The following POLD2 variants were observed in gnomAD, a reference collection of about 807,000 sequenced individuals.
POLD2 encodes the protein DNA polymerase delta 2, accessory subunit.
A neutral mutation model predicts 48.8 loss-of-function variants in POLD2; 31 were observed. The ratio of observed to expected loss-of-function variants is 0.64; its 90% CI spans 0.48 to 0.86. POLD2 has a LOEUF of 0.86. Ranked by LOEUF, POLD2 falls within the 40% of genes least tolerant of loss-of-function variation. POLD2 has a pLI of 0.00. For missense variants in POLD2, 455 were observed against 610.1 expected, an observed-to-expected ratio of 0.75 and a Z score of 2.68; for synonymous variants, 233 against 256.3, an observed-to-expected ratio of 0.91 and a Z score of 0.87.
chr7:44,117,545 C>A, intron 4 of POLD2, 74 bp downstream of exon 4: 1 of 1,536,998 alleles, frequency 6.5e-7, no homozygotes, highest in Non-Finnish European at 8.8e-7. Flanking sequence ...AGGCTCCCCA[C>A]TCACACCATC....
At chr7:44,122,408 C>T in intron 1 of POLD2, 1 of 1,116,858 alleles carries the variant, frequency 9.0e-7, no homozygotes, top group Non-Finnish European at 1.1e-6. Context: ...CAATCAAGTT[C>T]AGTTTGCCCC....
In POLD2 at chr7:44,117,664, G is replaced by C. The variant is rs372336011; in HGVS notation, c.421C>G (p.Arg141Gly). 1 of 1,610,200 alleles carries C rather than the reference G, an allele frequency of 6.2e-7. No homozygotes were observed. The highest frequency in any genetic ancestry group is 1.3e-5 in the African/African-American group (1 of 74,868). ...TCAATGGTGCCTTTTAGTTTGATAC[G>C]CTGCAGTTCATCTTCCAAGACCAGC... Reference protein sequence around the residue: ...DELVLEDELQRIKLKGTIDVS... With the variant: ...DELVLEDELQGIKLKGTIDVS... The change falls in exon 4 of 11, where the codon CGT becomes GGT. Residue 141 changes from arginine to glycine, a missense_variant. Physicochemically the swap from Arg to Gly is moderately radical, Grantham distance 125. This residue lies in a region of POLD2 where 349 missense variants were observed against 437.4 expected (regional missense o/e 0.80). Transcript: ENST00000610533.
At chr7:44,122,440 T>A in intron 1 of POLD2, 1 of 1,065,260 alleles carries the variant, frequency 9.4e-7, no homozygotes. Context: ...CCGATCTGCC[T>A]CCATCCAGCT....
intron 2 of POLD2, among the ~76,000 whole-genome samples, chr7:44,120,039 C>A (rs549049199): frequency 6.6e-6 from 1 of 152,118 alleles, no homozygotes; most frequent in South Asian, 2.1e-4. Context: ...GTTTGGGGAA[C>A]AGGTGAGTGG....
In POLD2 at chr7:44,116,200, G is replaced by A; in HGVS notation, c.934C>T (p.His312Tyr). 1 of 1,614,018 alleles carries A rather than the reference G, an allele frequency of 6.2e-7. No individual in the cohort carries two copies. ...TNYTLPQQPL[H>Y]PCMFPLATAY... ...GTGGCCAGCGGGAACATGCAGGGGTGGAGGGGCTGCTGGGGGAGCGTGTAA... is the reference window on the plus strand; with the variant it reads ...GTGGCCAGCGGGAACATGCAGGGGTAGAGGGGCTGCTGGGGGAGCGTGTAA... Residue 312 changes from histidine (H) to tyrosine (Y), a missense_variant, in exon 8 of 11, where the codon CAC becomes TAC. This residue lies in a region of POLD2 where 349 missense variants were observed against 437.4 expected (regional missense o/e 0.80). Transcript: ENST00000610533. This position sits in a 1 kb window ranked among gnomAD's most constrained non-coding sequence, Gnocchi z 6.1.
Position 44,115,304 on chromosome 7 carries a change from T to C in POLD2, c.1240A>G (p.Ile414Val), listed in dbSNP as rs769981320. 5.6e-6 allele frequency: 9 copies of C among 1,610,336 alleles called. No homozygotes were observed. The Admixed American group carries it at 8.3e-5, about 15-fold the overall frequency. The change falls in exon 10 of 11, where the codon ATC becomes GTC. Residue 414 changes from isoleucine (I) to valine (V), a missense_variant. Physicochemically the swap from Ile to Val is conservative, Grantham distance 29. Coordinates refer to ENST00000610533, the MANE Select transcript of POLD2 (RefSeq NM_006230.4). ...AGAAGACAAAAATTACCTCGGATGA[T>C]TTTGGAGCCAAAGCTGGGGGTGTTG... is the stretch of plus-strand genomic sequence containing the variant. The part of the protein sequence containing the change: ...CGNTPSFGSK[I>V]IRGPEDQTVL...
At chr7:44,123,617 C>T (rs957086590), upstream of POLD2, 21 of 1,414,224 alleles carry the variant, frequency 1.5e-5, no homozygotes, top group Non-Finnish European at 1.4e-5. Flanking sequence ...TCTCACCAAT[C>T]GCTGCCCTCC....
chr7:44,117,861 C>T, intron 3 of POLD2, 82 bp downstream of exon 3: 1 of 1,595,764 alleles, frequency 6.3e-7, no homozygotes, highest in Non-Finnish European at 8.6e-7. Context: ...AACCTGCTTC[C>T]CCACAACCCC....
At position 44,121,982 on chromosome 7, in the gene POLD2, A is replaced by G; in HGVS notation, c.72T>C (p.Phe24=). 1 of 1,613,882 alleles carries G rather than the reference A, an allele frequency of 6.2e-7. No homozygotes were observed. The highest frequency in any genetic ancestry group is 1.3e-5 in the African/African-American group (1 of 75,062). ...LSPPSANNAT[F]ARVPVATYTN... ...TGTAGGTTGCCACTGGCACCCGGGC[A>G]AAGGTGGCATTGTTGGCTGATGGTG... Residue 24 remains phenylalanine, a synonymous_variant, in exon 2 of 11, where the codon TTT becomes TTC. Transcript: ENST00000610533. This position sits in a 1 kb window ranked among gnomAD's most constrained non-coding sequence, Gnocchi z 4.5.
intron 1 of POLD2, chr7:44,122,516 T>C (rs2096249673): frequency 1.1e-6 from 1 of 932,944 alleles, no homozygotes; most frequent in Non-Finnish European, 1.3e-6. Context: ...TGTGAAATAA[T>C]AAGCCTATTA....
At chr7:44,115,745 C>G (rs752778071) in intron 9 of POLD2, 21 bp downstream of exon 9, 1 of 1,612,246 alleles carries the variant, frequency 6.2e-7, no homozygotes, top group East Asian at 2.2e-5. Context: ...TGCTCCCACC[C>G]TGTATGGCTG....
chr7:44,116,416 C>G lies in POLD2; in HGVS notation c.861+14G>C, dbSNP rs1186525499. 1.3e-6 allele frequency: 2 copies of G among 1,574,864 alleles called. No homozygotes were observed. The highest frequency in any genetic ancestry group is 1.7e-6 in the Non-Finnish European group (2 of 1,159,562). ...TGCAATCCCCATCACCCCTCCAGCC[C>G]CCAGCTCGCTCACGCTCAGCTGCAG... On this transcript the variant is annotated intron_variant, in intron 7 of 10. Coordinates refer to ENST00000610533, the MANE Select transcript of POLD2 (RefSeq NM_006230.4). This position sits in a 1 kb window ranked among gnomAD's most constrained non-coding sequence, Gnocchi z 6.1.
intron 1 of POLD2, 134 bp downstream of exon 1, chr7:44,123,377 C>T: frequency 7.1e-7 from 1 of 1,414,324 alleles, no homozygotes; most frequent in South Asian, 1.5e-5. Context: ...CCAGTCACGG[C>T]GGGTGCCCCG....
intron 2 of POLD2, 60 bp from the exon 3 acceptor site, chr7:44,118,124 T>A: frequency 1.3e-6 from 2 of 1,593,472 alleles, no homozygotes; most frequent in Non-Finnish European, 1.7e-6. Context: ...ACAGAGGCCA[T>A]GGAGGCCCTG....
chr7:44,123,803 G>A, upstream of POLD2: 2 of 975,476 alleles, frequency 2.1e-6, no homozygotes, highest in Non-Finnish European at 1.4e-6. Context: ...TTGGGCTGAC[G>A]GGGGGTGTCG....
chr7:44,118,383 G>A (rs1227535415), intron 2 of POLD2: 1 of 226,806 alleles, frequency 4.4e-6, no homozygotes, highest in Non-Finnish European at 8.7e-6. Context: ...AGGAACACCA[G>A]GGAGGAGGCC....
chr7:44,118,195 T>A (rs561710305), intron 2 of POLD2, 131 bp from the exon 3 acceptor site: 1 of 1,039,448 alleles, frequency 9.6e-7, no homozygotes, highest in Non-Finnish European at 1.4e-6. Flanking sequence ...GAACATCAAG[T>A]ACAAGGACCC....
chr7:44,121,810 G>A lies in POLD2; in HGVS notation c.220+24C>T. ...TAAGTTCAGGGATGCTGTGGGGGAA[G>A]CACCTTCCCAAACTCTCACTTACCC... On this transcript the variant is annotated intron_variant, in intron 2 of 10. Coordinates refer to ENST00000610533, the MANE Select transcript of POLD2 (RefSeq NM_006230.4). This position sits in a 1 kb window ranked among gnomAD's most constrained non-coding sequence, Gnocchi z 4.5. 1.2e-6 allele frequency: 2 copies of A among 1,601,204 alleles called. No individual in the cohort carries two copies. Among genetic ancestry groups the A allele is most frequent in the African/African-American group, 1.3e-5 (1 of 74,816 alleles).
chr7:44,117,868 C>A (rs746357903), intron 3 of POLD2, 75 bp downstream of exon 3: 2 of 1,596,244 alleles, frequency 1.3e-6, no homozygotes, highest in South Asian at 2.2e-5. Flanking sequence ...TTCCCCACAA[C>A]CCCACCTCCA....
Sources: gnomAD v4.1 joint callset for allele counts (sites outside exome capture counted in the v4.1 genomes callset) on GRCh38, gnomAD v4.1.1 for gene constraint, gnomAD v4.1.1 regional missense constraint, Gnocchi (gnomAD v3.1) non-coding constraint, MANE v1.5 for transcripts, NCBI Gene and HGNC (gene_info 2026-07-23, HGNC 2026-07-21) for gene names.